FAM193B: variants seen among roughly 807,000 people sequenced by gnomAD.
The protein encoded by FAM193B is protein FAM193B.
FAM193B carries 27 observed loss-of-function variants against 70.7 expected under a neutral mutation model. The ratio of observed to expected loss-of-function variants is 0.38; its 90% CI spans 0.28 to 0.53. The LOEUF (loss-of-function observed/expected upper bound fraction) is 0.53, where lower values mean the gene tolerates loss of function less well. FAM193B is among the 20% of genes least tolerant of loss of function. The probability of loss-of-function intolerance (pLI) is 0.81; values close to 1 mark genes in which losing one functional copy is unlikely to be tolerated. For synonymous variants in FAM193B, 448 were observed against 436.0 expected, an observed-to-expected ratio of 1.03 and a Z score of -0.34; for missense variants, 1,022 against 1,072.5, an observed-to-expected ratio of 0.95 and a Z score of 0.66.
chr5:177,551,762 G>C (rs1766278286), intron 1 of FAM193B, among the ~76,000 whole-genome samples: 1 of 152,242 alleles, frequency 6.6e-6, no homozygotes, highest in Non-Finnish European at 1.5e-5. Flanking sequence ...TTTGGTATAT[G>C]ACACTGAGTT....
intron 5 of FAM193B, chr5:177,531,436 G>A: frequency 2.9e-6 from 4 of 1,363,230 alleles, no homozygotes; most frequent in Non-Finnish European, 3.9e-6. Context: ...CCCCTTCATG[G>A]GCAGCTCCTC....
At position 177,524,532 on chromosome 5, in the gene FAM193B, C is replaced by T. The variant is rs774156646; in HGVS notation, c.1949G>A (p.Ser650Asn). 12 of 1,611,818 alleles carry T rather than the reference C, an allele frequency of 7.4e-6. No homozygotes were observed. In the South Asian group the frequency reaches 1.3e-4, roughly 18 times the overall value. Reference sequence around the variant, plus strand: ...GCTGGCTGGGGGCCGGGGGGCTGGGCTTGCCTCGCTCTTCTTGGCCTGACT... The same window carrying T: ...GCTGGCTGGGGGCCGGGGGGCTGGGTTTGCCTCGCTCTTCTTGGCCTGACT... ...QGSQAKKSEA[S>N]PAPRPPASLE... Residue 650 changes from serine (S) to asparagine (N), a missense_variant, in exon 6 of 9, where the codon AGC (serine) becomes AAC (asparagine). Ser to Asn is a conservative substitution (Grantham distance 46, BLOSUM62 1). Transcript: ENST00000514747.
intron 1 of FAM193B, among the ~76,000 whole-genome samples, chr5:177,541,779 G>T (rs1018221266): frequency 2.0e-5 from 3 of 152,114 alleles, no homozygotes; most frequent in African/African-American, 7.2e-5. Context: ...ACTCATGGGG[G>T]ATCAGTTCCA....
chr5:177,553,908 CG>C, intron 1 of FAM193B: 2 of 1,216,222 alleles, frequency 1.6e-6, no homozygotes, highest in Non-Finnish European at 2.1e-6. Flanking sequence ...CAGGTGGGCC[CG>C]GGGGAGGTGG....
At chr5:177,531,394 G>A (rs1763424975) in intron 5 of FAM193B, 2 of 1,300,894 alleles carry the variant, frequency 1.5e-6, no homozygotes, top group Non-Finnish European at 2.0e-6. Flanking sequence ...GTGGTCCACG[G>A]CGGGCTCCCC....
chr5:177,536,824 G>A, intron 3 of FAM193B, 79 bp from the exon 4 acceptor site: 3 of 1,498,634 alleles, frequency 2.0e-6, no homozygotes, highest in Non-Finnish European at 8.9e-7. Context: ...CACTGCCACA[G>A]CATCCTGCTT....
At chr5:177,553,736 T>G in intron 1 of FAM193B, 1 of 1,287,862 alleles carries the variant, frequency 7.8e-7, no homozygotes. Flanking sequence ...CTGCTCCAAC[T>G]GCTCTGCTGG....
At chr5:177,531,571 C>A (rs1257303929) in intron 5 of FAM193B, 1 of 1,215,836 alleles carries the variant, frequency 8.2e-7, no homozygotes, top group African/African-American at 1.6e-5. Context: ...CTGGGGGGCC[C>A]ACAGCACTCC....
At chr5:177,553,847 G>C in intron 1 of FAM193B, 1 of 1,276,266 alleles carries the variant, frequency 7.8e-7, no homozygotes, top group Non-Finnish European at 1.0e-6. Context: ...AGAGGGAAGA[G>C]GCTGCAGTCG....
chr5:177,532,742 C>A lies in FAM193B; in HGVS notation c.1077-101G>T. 8.5e-7 allele frequency: 1 copy of A among 1,173,060 alleles called. No individual in the cohort carries two copies. The highest frequency in any genetic ancestry group is 1.6e-5 in the African/African-American group (1 of 63,796). The allele number at this position is 1,173,060 out of a possible 1,614,324, so 72.7% of individuals were successfully genotyped here. Reference sequence around the variant, plus strand: ...CCATCCTGACCGCCCTTCACTTGCCCCACTCCACAGAGGTCCCAGGTGGTC... The same window carrying A: ...CCATCCTGACCGCCCTTCACTTGCCACACTCCACAGAGGTCCCAGGTGGTC... On this transcript the variant is annotated intron_variant, in intron 4 of 8. Transcript: ENST00000514747. The surrounding 1 kb of genome is among the most constrained non-coding windows in gnomAD (Gnocchi z 4.9).
intron 1 of FAM193B, among the ~76,000 whole-genome samples, chr5:177,547,550 C>T (rs1440288088): frequency 6.6e-6 from 1 of 151,920 alleles, no homozygotes; most frequent in Admixed American, 6.6e-5. Flanking sequence ...TCCCAAAGTG[C>T]TGGGATTACA....
intron 1 of FAM193B, among the ~76,000 whole-genome samples, chr5:177,540,346 T>C (rs1269248935): frequency 2.6e-5 from 4 of 151,432 alleles, no homozygotes; most frequent in Non-Finnish European, 5.9e-5. Flanking sequence ...TATAAGTCTG[T>C]AGGTTTGCTT....
Position 177,524,825 on chromosome 5 carries a change from C to T in FAM193B, c.1656G>A (p.Glu552=), listed in dbSNP as rs1762342889. The T allele has an allele frequency of 6.6e-7, 1 of 1,511,060 alleles. No individual in the cohort carries two copies. The allele number at this position is 1,511,060 out of a possible 1,614,324, so 93.6% of individuals were successfully genotyped here. A position where few individuals can be genotyped will look rare whatever the true frequency, so the allele number is the denominator to read the frequency against. The change falls in exon 6 of 9, where the codon GAG becomes GAA. Residue 552 remains glutamate (E), a synonymous_variant. Coordinates refer to ENST00000514747, the MANE Select transcript of FAM193B (RefSeq NM_001190946.3). ...PQNHTLQAPG[E]PAPPWAEMRG... is the part of the protein sequence containing the mutation. ...TCATTTCTGCCCATGGTGGGGCTGG[C>T]TCGCCTGGAGCTTGTAACGTGTGGT... is the stretch of plus-strand genomic sequence containing the variant.
chr5:177,532,050 C>A lies in FAM193B; in HGVS notation c.1275+393G>T. On this transcript the variant is annotated intron_variant, in intron 5 of 8. Transcript: ENST00000514747. The surrounding 1 kb of genome is among the most constrained non-coding windows in gnomAD (Gnocchi z 4.9). ...GGCGCCGTCTGTGCTCACGGCCTGT[C>A]CCTCGGCTGGCTGTCACACTTGGGG... 5.4e-6 allele frequency: 7 copies of A among 1,293,814 alleles called. No homozygotes were observed. Among genetic ancestry groups the A allele is most frequent in the Non-Finnish European group, 7.1e-6 (7 of 992,024 alleles). The allele number at this position is 1,293,814 out of a possible 1,614,324, so 80.1% of individuals were successfully genotyped here.
intron 1 of FAM193B, among the ~76,000 whole-genome samples, chr5:177,545,400 A>T (rs756642746): frequency 6.6e-6 from 1 of 152,228 alleles, no homozygotes; most frequent in African/African-American, 2.4e-5. Flanking sequence ...TTATGTTAAC[A>T]AGATAGCTTT....
Position 177,538,018 on chromosome 5 carries a change from C to A in FAM193B, c.543G>T (p.Ser181=). 1.3e-6 allele frequency: 2 copies of A among 1,555,718 alleles called. No homozygotes were observed. The highest frequency in any genetic ancestry group is 1.7e-6 in the Non-Finnish European group (2 of 1,149,276). ...SSSSSSSSSS[S]SSSSCPGNSG... is the part of the protein sequence containing the mutation. ...AGTTCCCAGGGCAGGAAGAGGAGGA[C>A]GAGGATGAGGATGATGAGGAGGAAG... is the stretch of plus-strand genomic sequence containing the variant. The change falls in exon 3 of 9, where the codon TCG becomes TCT. Residue 181 remains serine (S), a synonymous_variant. Transcript: ENST00000514747. The surrounding 1 kb of genome is among the most constrained non-coding windows in gnomAD (Gnocchi z 4.1).
chr5:177,532,736 C>T lies in FAM193B; in HGVS notation c.1077-95G>A. On this transcript the variant is annotated intron_variant, in intron 4 of 8. Transcript: ENST00000514747. This position sits in a 1 kb window ranked among gnomAD's most constrained non-coding sequence, Gnocchi z 4.9. ...CACCTGCCATCCTGACCGCCCTTCACTTGCCCCACTCCACAGAGGTCCCAG... is the reference window on the plus strand; with the variant it reads ...CACCTGCCATCCTGACCGCCCTTCATTTGCCCCACTCCACAGAGGTCCCAG... The T allele has an allele frequency of 8.2e-7, 1 of 1,215,924 alleles. No homozygotes were observed. Among genetic ancestry groups the T allele is most frequent in the Non-Finnish European group, 1.1e-6 (1 of 911,264 alleles). The allele number at this position is 1,215,924 out of a possible 1,614,324, so 75.3% of individuals were successfully genotyped here.
chr5:177,539,106 C>G lies in FAM193B; in HGVS notation c.252G>C (p.Leu84=), dbSNP rs770192877. The G allele has an allele frequency of 1.2e-6, 2 of 1,604,088 alleles. No individual in the cohort carries two copies. The highest frequency in any genetic ancestry group is 2.7e-5 in the African/African-American group (2 of 74,734). The change falls in exon 2 of 9, where the codon CTG becomes CTC. Residue 84 remains leucine, a synonymous_variant. Coordinates refer to ENST00000514747, the MANE Select transcript of FAM193B (RefSeq NM_001190946.3). ...ASSQPVQTCC[L]LCHRERKGWE... ...AGCCTTTGCGTTCCCGGTGACACAG[C>G]AGGCAGCAAGTCTGCACAGGCTGGC...
chr5:177,530,638 T>C (rs1763305831), intron 5 of FAM193B, among the ~76,000 whole-genome samples: 1 of 152,178 alleles, frequency 6.6e-6, no homozygotes. Context: ...TGTGACCAAG[T>C]GCATGCTTTG....
Sources: allele counts gnomAD v4.1 joint callset (sites outside exome capture counted in the v4.1 genomes callset), GRCh38; gene constraint gnomAD v4.1.1; non-coding constraint Gnocchi (gnomAD v3.1); transcripts MANE v1.5; gene names NCBI Gene and HGNC (gene_info 2026-07-23, HGNC 2026-07-21).